The following ATP11B variants were observed in gnomAD, a reference collection of about 807,000 sequenced individuals.
The protein encoded by ATP11B is ATPase phospholipid transporting 11B (putative).
Under a neutral mutation model 157.8 loss-of-function variants are expected in ATP11B, and 81 were observed. The observed-to-expected ratio is 0.51, with a 90% confidence interval of 0.43 to 0.62. The LOEUF is 0.62. Ranked by LOEUF, ATP11B falls within the 20% of genes least tolerant of loss-of-function variation. The probability of loss-of-function intolerance (pLI) is 0.00; values close to 1 mark genes in which losing one functional copy is unlikely to be tolerated. For synonymous variants in ATP11B, 451 were observed against 469.4 expected (o/e 0.96, Z 0.51); for missense variants, 1,165 against 1,402.2 (o/e 0.83, Z 2.70).
At chr3:182,798,310 T>A (rs1212289328) in intron 1 of ATP11B, among the ~76,000 whole-genome samples, 2 of 152,236 alleles carry the variant, frequency 1.3e-5, no homozygotes, top group Non-Finnish European at 2.9e-5. Flanking sequence ...AAATGTTGGT[T>A]GAATAAATGA....
chr3:182,811,218 A>G (rs2108491008), intron 1 of ATP11B, among the ~76,000 whole-genome samples: 1 of 152,330 alleles, frequency 6.6e-6, no homozygotes, highest in South Asian at 2.1e-4. Context: ...GCACTTCATA[A>G]AAGTTCTGAC....
chr3:182,794,026 C>G (rs1033887961), intron 1 of ATP11B, among the ~76,000 whole-genome samples: 1 of 152,092 alleles, frequency 6.6e-6, no homozygotes, highest in African/African-American at 2.4e-5. Context: ...GCGGCCGCTT[C>G]TAGCCGGCGC....
chr3:182,828,038 G>A (rs1040115656), intron 2 of ATP11B, 82 bp from the exon 3 acceptor site: 12 of 568,960 alleles, frequency 2.1e-5, no homozygotes, highest in African/African-American at 9.8e-5. Flanking sequence ...TAGTAAAACC[G>A]ATTTTACTTT....
intron 1 of ATP11B, among the ~76,000 whole-genome samples, chr3:182,811,821 T>A (rs1222131175): frequency 6.6e-6 from 1 of 152,196 alleles, no homozygotes; most frequent in Admixed American, 6.5e-5. Context: ...GAGCATTATG[T>A]ATTTTGATAA....
chr3:182,805,414 G>A (rs1412935437), intron 1 of ATP11B, among the ~76,000 whole-genome samples: 1 of 150,192 alleles, frequency 6.7e-6, no homozygotes, highest in Non-Finnish European at 1.5e-5. Context: ...TTGGCCATTT[G>A]TGTATCATTT....
chr3:182,814,005 T>A (rs1287733465), intron 1 of ATP11B, among the ~76,000 whole-genome samples: 1 of 152,078 alleles, frequency 6.6e-6, no homozygotes, highest in Admixed American at 6.5e-5. Context: ...GGATTACATG[T>A]GTGAGCCACC....
intron 25 of ATP11B, among the ~76,000 whole-genome samples, chr3:182,889,981 A>T (rs545617807): frequency 6.6e-6 from 1 of 152,328 alleles, no homozygotes; most frequent in Non-Finnish European, 1.5e-5. Context: ...ATGAGGACTT[A>T]GTGTTTGTTT....
intron 21 of ATP11B, among the ~76,000 whole-genome samples, chr3:182,881,539 C>CA (rs779854409): frequency 0.016 from 1,874 of 119,748 alleles, 16 homozygotes; most frequent in Middle Eastern, 0.047. Context: ...GACTCTGTCT[C>CA]AAAAAAAAAA....
chr3:182,820,156 A>C, intron 1 of ATP11B, 104 bp from the exon 2 acceptor site: 1 of 751,448 alleles, frequency 1.3e-6, no homozygotes, highest in Admixed American at 2.2e-5. Flanking sequence ...TTTAAGGGCA[A>C]TAGTAATATA....
rs1723024384 is a variant in ATP11B, at chr3:182,889,425, C to T, written c.2859C>T (p.Asn953=). ...TTTTTAACAGAGACATTAGTAAAAA[C>T]CGCCTCTTAAGTATTAAAACATTTC... ...KPTLYRDISK[N]RLLSIKTFLY... Residue 953 remains asparagine, a synonymous_variant, in exon 25 of 30, where the codon AAC becomes AAT. Coordinates refer to ENST00000323116, the MANE Select transcript of ATP11B (RefSeq NM_014616.3). The T allele has an allele frequency of 6.4e-7, 1 of 1,567,096 alleles. No homozygotes were observed. The highest frequency in any genetic ancestry group is 1.4e-5 in the African/African-American group (1 of 71,686).
chr3:182,886,262 T>A (rs1331921048), intron 23 of ATP11B, among the ~76,000 whole-genome samples: 1 of 152,148 alleles, frequency 6.6e-6, no homozygotes, highest in Non-Finnish European at 1.5e-5. Context: ...ATAATAACCC[T>A]TAACAGCTTA....
chr3:182,859,618 C>G (rs543074363), intron 12 of ATP11B, among the ~76,000 whole-genome samples: 1 of 152,230 alleles, frequency 6.6e-6, no homozygotes, highest in East Asian at 1.9e-4. Flanking sequence ...AACTCTTACA[C>G]TACTCTTCCC....
intron 24 of ATP11B, among the ~76,000 whole-genome samples, chr3:182,887,986 C>T (rs1722912326): frequency 6.6e-6 from 1 of 152,114 alleles, no homozygotes. Flanking sequence ...CAGTAATATT[C>T]TATTTCGTGT....
chr3:182,875,465 CAG>C (rs1721965943), intron 19 of ATP11B, among the ~76,000 whole-genome samples: 1 of 152,060 alleles, frequency 6.6e-6, no homozygotes, highest in Admixed American at 6.6e-5. Flanking sequence ...TTTTTTGAGA[CAG>C]AGTTTCACTC....
At chr3:182,852,445 T>A (rs1720053677) in intron 10 of ATP11B, among the ~76,000 whole-genome samples, 1 of 152,242 alleles carries the variant, frequency 6.6e-6, no homozygotes. Context: ...GGAACTACTG[T>A]GAACAACTTT....
chr3:182,845,091 G>A (rs182571025), intron 8 of ATP11B, among the ~76,000 whole-genome samples: 170 of 148,352 alleles, frequency 1.1e-3, no homozygotes, highest in African/African-American at 3.9e-3. Flanking sequence ...TGCAACCTCC[G>A]CCTCCACGGT....
Position 182,871,078 on chromosome 3 carries a change from C to T in ATP11B, c.1867-1278C>T, listed in dbSNP as rs149645456. 2.9e-3 allele frequency among the ~76,000 whole-genome samples: 434 copies of T among 152,176 alleles called. 4 individuals carry two copies. Among genetic ancestry groups the T allele is most frequent in the Middle Eastern group, 0.01 (3 of 294 alleles). ...GCACTTTGGGATGCTGAGGCAGTAT[C>T]ACTTGTGGCCAGGAGTTTGAGACCA... On this transcript the variant is annotated intron_variant, in intron 17 of 29. Coordinates refer to ENST00000323116, the MANE Select transcript of ATP11B (RefSeq NM_014616.3).
chr3:182,876,445 T>G (rs985472009), intron 19 of ATP11B, among the ~76,000 whole-genome samples: 1 of 152,318 alleles, frequency 6.6e-6, no homozygotes, highest in East Asian at 1.9e-4. Context: ...AAACGTAGAG[T>G]ACACTCTTAA....
chr3:182,883,283 G>T (rs1722554212), intron 21 of ATP11B, among the ~76,000 whole-genome samples: 1 of 150,038 alleles, frequency 6.7e-6, no homozygotes, highest in Non-Finnish European at 1.5e-5. Flanking sequence ...TTGATATAGA[G>T]CTTCACTCTT....
Sources: gnomAD v4.1 joint callset for allele counts (sites outside exome capture counted in the v4.1 genomes callset) on GRCh38, gnomAD v4.1.1 for gene constraint, MANE v1.5 for transcripts, NCBI Gene and HGNC (gene_info 2026-07-23, HGNC 2026-07-21) for gene names.